The following COL24A1 variants were observed in gnomAD, a reference collection of about 807,000 sequenced individuals.
COL24A1 encodes the protein collagen alpha-1(XXIV) chain.
In COL24A1, 224 loss-of-function variants were observed where a neutral mutation model predicts 253.9. The ratio of observed to expected loss-of-function variants is 0.88; its 90% CI spans 0.79 to 0.99. The LOEUF is 0.99. Among genes scored for constraint, COL24A1 ranks in the 50% least tolerant of loss-of-function variants. COL24A1 has a pLI of 0.00. For synonymous variants in COL24A1, 685 were observed against 673.7 expected, an observed-to-expected ratio of 1.02 and a Z score of -0.26; for missense variants, 2,131 against 2,068.5, an observed-to-expected ratio of 1.03 and a Z score of -0.59.
At chr1:85,812,701 A>G (rs1226939408) in intron 47 of COL24A1, among the ~76,000 whole-genome samples, 1 of 152,256 alleles carries the variant, frequency 6.6e-6, no homozygotes, top group Admixed American at 6.5e-5. Context: ...TACTTAACAG[A>G]CAGCATCCTC....
chr1:85,895,652 A>G (rs148868820), intron 31 of COL24A1, among the ~76,000 whole-genome samples: 5 of 152,302 alleles, frequency 3.3e-5, no homozygotes, highest in Admixed American at 2.0e-4. Context: ...AACATATTGA[A>G]TACTAAACAA....
chr1:86,025,807 T>C (rs578205922), intron 14 of COL24A1, among the ~76,000 whole-genome samples: 51 of 152,338 alleles, frequency 3.3e-4, no homozygotes, highest in African/African-American at 1.2e-3. Context: ...ACATTCATTT[T>C]TCCCCATCTT....
At chr1:85,769,517 A>T (rs1270074556) in intron 53 of COL24A1, among the ~76,000 whole-genome samples, 1 of 152,084 alleles carries the variant, frequency 6.6e-6, no homozygotes, top group East Asian at 1.9e-4. Flanking sequence ...AAACATTAGC[A>T]TGCCTGCCCC....
At chr1:85,863,897 A>G (rs1388068855) in intron 37 of COL24A1, among the ~76,000 whole-genome samples, 3 of 152,180 alleles carry the variant, frequency 2.0e-5, no homozygotes, top group East Asian at 3.9e-4. Flanking sequence ...GTCAGGAAAC[A>G]ACAAGTGGGG....
At position 86,050,099 on chromosome 1, in the gene COL24A1, T is replaced by C. The variant is rs143338784; in HGVS notation, c.1905+25A>G. 6.9e-5 allele frequency: 110 copies of C among 1,600,960 alleles called. 1 individual carries two copies. The highest frequency in any genetic ancestry group is 4.8e-4 in the African/African-American group (36 of 74,774). On this transcript the variant is annotated intron_variant, in intron 11 of 59. Transcript: ENST00000370571. ...TATCACAAGTATATCACTTTAGAAA[T>C]ACTATTTGAAGGGAATGGACTTACC...
In COL24A1 at chr1:85,766,368, C is replaced by CAA. The variant is rs1319642983; in HGVS notation, c.4375-4804_4375-4803dup. Among the ~76,000 whole-genome samples, 128 of 66,152 alleles carry CAA rather than the reference C, an allele frequency of 1.9e-3. 2 individuals are homozygous for CAA. The highest frequency in any genetic ancestry group is 6.7e-3 in the African/African-American group (105 of 15,690). 43.4% of individuals were successfully genotyped at this position (66,152 alleles called of 152,430 possible). On this transcript the variant is annotated intron_variant, in intron 53 of 59. Coordinates refer to ENST00000370571, the MANE Select transcript of COL24A1 (RefSeq NM_152890.7). ...TATGCAACAGAACAAGACTCTGTCTCAAAAAAAAAAAAAAAAAAAAAAGAA... is the reference window on the plus strand; with the variant it reads ...TATGCAACAGAACAAGACTCTGTCTCAAAAAAAAAAAAAAAAAAAAAAAAGAA...
chr1:86,016,608 T>C (rs144596075), intron 19 of COL24A1, among the ~76,000 whole-genome samples: 114 of 152,330 alleles, frequency 7.5e-4, no homozygotes, highest in African/African-American at 2.7e-3. Context: ...TGACTCATAG[T>C]AGGATTTTTT....
chr1:86,079,494 A>G (rs982861399), intron 7 of COL24A1, among the ~76,000 whole-genome samples: 2 of 152,196 alleles, frequency 1.3e-5, no homozygotes, highest in South Asian at 2.1e-4. Context: ...AGCAAAGGAA[A>G]CAATCAATAA....
chr1:85,902,241 T>A (rs1405245320), intron 28 of COL24A1, among the ~76,000 whole-genome samples: 1 of 152,152 alleles, frequency 6.6e-6, no homozygotes, highest in Non-Finnish European at 1.5e-5. Context: ...GCAATAAAGA[T>A]CCCTCTGGGA....
intron 24 of COL24A1, among the ~76,000 whole-genome samples, chr1:85,934,252 C>A (rs1417940755): frequency 6.6e-6 from 1 of 152,166 alleles, no homozygotes; most frequent in Non-Finnish European, 1.5e-5. Flanking sequence ...AAATGCATAA[C>A]TGAGTCCATC....
chr1:85,876,832 A>C (rs1039209691), intron 33 of COL24A1, among the ~76,000 whole-genome samples: 1 of 152,242 alleles, frequency 6.6e-6, no homozygotes, highest in African/African-American at 2.4e-5. Context: ...AGGGCATATA[A>C]TATCTTAGGA....
intron 7 of COL24A1, among the ~76,000 whole-genome samples, chr1:86,088,361 T>C (rs1242408973): frequency 6.6e-6 from 1 of 152,170 alleles, no homozygotes; most frequent in African/African-American, 2.4e-5. Context: ...TAGATATCCA[T>C]ATCAAGTCAA....
intron 55 of COL24A1, among the ~76,000 whole-genome samples, chr1:85,747,253 A>T (rs1665333346): frequency 1.3e-5 from 2 of 151,676 alleles, no homozygotes; most frequent in African/African-American, 2.4e-5. Flanking sequence ...AGCTGTGACT[A>T]CAGGCTTGTG....
chr1:85,848,842 G>C (rs1358437901), intron 38 of COL24A1, among the ~76,000 whole-genome samples: 1 of 152,024 alleles, frequency 6.6e-6, no homozygotes, highest in Non-Finnish European at 1.5e-5. Flanking sequence ...GACTTGCACT[G>C]TCTCACTATG....
chr1:85,775,459 T>C (rs2101437565), intron 53 of COL24A1, among the ~76,000 whole-genome samples: 1 of 152,258 alleles, frequency 6.6e-6, no homozygotes, highest in Middle Eastern at 3.4e-3. Flanking sequence ...CTGTCTAATA[T>C]TGACAGTGGG....
At chr1:86,116,552 G>T (rs1054454370) in intron 3 of COL24A1, among the ~76,000 whole-genome samples, 22 of 152,034 alleles carry the variant, frequency 1.4e-4, no homozygotes, top group Non-Finnish European at 2.9e-4. Context: ...GGAGGAGAGG[G>T]AAAATGGATT....
intron 53 of COL24A1, 69 bp downstream of exon 53, chr1:85,775,605 G>A: frequency 7.9e-7 from 1 of 1,258,700 alleles, no homozygotes; most frequent in Non-Finnish European, 1.1e-6. Context: ...CTCTAACAGG[G>A]TCCTTGCTTT....
intron 18 of COL24A1, among the ~76,000 whole-genome samples, chr1:86,019,962 A>G (rs557226806): frequency 6.6e-6 from 1 of 152,020 alleles, no homozygotes; most frequent in Non-Finnish European, 1.5e-5. Context: ...TAGGAGGAAT[A>G]TTAGTAAGTA....
chr1:86,018,883 A>T (rs1379549178), intron 18 of COL24A1, among the ~76,000 whole-genome samples: 1 of 152,130 alleles, frequency 6.6e-6, no homozygotes, highest in Non-Finnish European at 1.5e-5. Flanking sequence ...TTTTTAAAAT[A>T]CTTGTAGAGC....
Sources: allele counts gnomAD v4.1 joint callset (sites outside exome capture counted in the v4.1 genomes callset), GRCh38; gene constraint gnomAD v4.1.1; transcripts MANE v1.5; gene names NCBI Gene and HGNC (gene_info 2026-07-23, HGNC 2026-07-21).